The following HSPA9 variants were observed in gnomAD, a reference collection of about 807,000 sequenced individuals.
HSPA9 encodes stress-70 protein, mitochondrial.
A neutral mutation model predicts 81.5 loss-of-function variants in HSPA9; 28 were observed. That is an observed-to-expected ratio of 0.34 (90% CI 0.25 to 0.47). The LOEUF is 0.47. Ranked by LOEUF, HSPA9 falls within the 20% of genes least tolerant of loss-of-function variation. The pLI is 1.00. For synonymous variants in HSPA9, 293 were observed against 290.4 expected (o/e 1.01, Z -0.09); for missense variants, 678 against 838.0 (o/e 0.81, Z 2.36).
In HSPA9 at chr5:138,555,021, C is replaced by A. The variant is rs991156067; in HGVS notation, c.*1016G>T. 2 of 152,128 alleles carry A rather than the reference C, an allele frequency of 1.3e-5. No individual in the cohort carries two copies. Among genetic ancestry groups the A allele is most frequent in the Admixed American group, 6.5e-5 (1 of 15,268 alleles). 9.4% of individuals were successfully genotyped at this position (152,128 alleles called of 1,614,324 possible). A position where few individuals can be genotyped will look rare whatever the true frequency, so the allele number is the denominator to read the frequency against. ...GCTGAAAGCAACCTGAAAATAGCCA[C>A]CTTGGTTTTCATGTTAGAGATCTAA... On this transcript the variant is annotated 3_prime_UTR_variant, in exon 17 of 17. Coordinates refer to ENST00000297185, the MANE Select transcript of HSPA9 (RefSeq NM_004134.7).
intron 3 of HSPA9, among the ~76,000 whole-genome samples, chr5:138,572,808 C>A (rs561835691): frequency 1.3e-3 from 202 of 152,198 alleles, no homozygotes; most frequent in African/African-American, 4.5e-3. Flanking sequence ...GGCCAACCCC[C>A]CAAAAAACTT....
chr5:138,571,160 A>G lies in HSPA9; in HGVS notation c.229-19T>C. Reference sequence around the variant, plus strand: ...CCAGCACCTAAACTCCCAAAATGTGATAGAGAGTAAGTTTGTAGTTATCAC... The same window carrying G: ...CCAGCACCTAAACTCCCAAAATGTGGTAGAGAGTAAGTTTGTAGTTATCAC... On this transcript the variant is annotated intron_variant, in intron 3 of 16. Transcript: ENST00000297185. The G allele has an allele frequency of 6.2e-7, 1 of 1,612,022 alleles. No homozygotes were observed. The highest frequency in any genetic ancestry group is 8.5e-7 in the Non-Finnish European group (1 of 1,179,202).
chr5:138,559,809 C>T, intron 11 of HSPA9, 55 bp downstream of exon 11: 1 of 1,182,294 alleles, frequency 8.5e-7, no homozygotes, highest in Non-Finnish European at 1.3e-6. Context: ...GCTGCAATTA[C>T]ATCCGTCATA....
rs761427145 is a variant in HSPA9, at chr5:138,559,984, G to A, written c.1290C>T (p.Gly430=). The A allele has an allele frequency of 5.0e-6, 8 of 1,614,026 alleles. No homozygotes were observed. The highest frequency in any genetic ancestry group is 3.3e-5 in the South Asian group (3 of 91,066). ...GAAIQGGVLA[G]DVTDVLLLDV... is the part of the protein sequence containing the mutation. ...CAAGGAGCAGCACATCCGTGACATC[G>A]CCGGCCAACACACCTCCCTGAATGG... Residue 430 remains glycine (G), a synonymous_variant, in exon 11 of 17, where the codon GGC becomes GGT. Coordinates refer to ENST00000297185, the MANE Select transcript of HSPA9 (RefSeq NM_004134.7).
At position 138,575,361 on chromosome 5, in the gene HSPA9, G is replaced by C. The variant is rs746639142; in HGVS notation, c.-43C>G. ...GTACGAGGCAGCAAACAAGCGCTCC[G>C]ACGGCAAAGAGCTGCGCGATGCGGT... On this transcript the variant is annotated 5_prime_UTR_variant, in exon 1 of 17. Transcript: ENST00000297185. 2.0e-6 allele frequency: 3 copies of C among 1,509,352 alleles called. No individual in the cohort carries two copies. The Admixed American group carries it at 5.1e-5, about 26-fold the overall frequency. 93.5% of individuals were successfully genotyped at this position (1,509,352 alleles called of 1,614,324 possible).
Position 138,554,729 on chromosome 5 carries a change from A to G in HSPA9, c.*1308T>C, listed in dbSNP as rs1294836003. 6.6e-6 allele frequency among the ~76,000 whole-genome samples: 1 copy of G among 152,360 alleles called. No homozygotes were observed. The highest frequency in any genetic ancestry group is 1.9e-4 in the East Asian group (1 of 5,194). On this transcript the variant is annotated 3_prime_UTR_variant, in exon 17 of 17. Coordinates refer to ENST00000297185, the MANE Select transcript of HSPA9 (RefSeq NM_004134.7). ...GGCATATGACATTCATCCATGAAAC[A>G]TAAGGGAAATGTGCTGGAAGACTTT...
intron 16 of HSPA9, 43 bp downstream of exon 16, chr5:138,556,409 A>G (rs765917663): frequency 5.6e-6 from 9 of 1,606,148 alleles, no homozygotes; most frequent in Non-Finnish European, 7.6e-6. Flanking sequence ...GAACAGTTCC[A>G]TCCAGATCAA....
chr5:138,568,499 C>A (rs1750813884), intron 5 of HSPA9, among the ~76,000 whole-genome samples: 1 of 152,064 alleles, frequency 6.6e-6, no homozygotes, highest in African/African-American at 2.4e-5. Flanking sequence ...AAGAGTGAAA[C>A]TCTGTCTCAA....
At position 138,567,540 on chromosome 5, in the gene HSPA9, T is replaced by A; in HGVS notation, c.631A>T (p.Ile211Leu). 2 of 1,614,092 alleles carry A rather than the reference T, an allele frequency of 1.2e-6. No individual in the cohort carries two copies. The highest frequency in any genetic ancestry group is 1.7e-6 in the Non-Finnish European group (2 of 1,179,936). Reference protein sequence around the residue: ...QRQATKDAGQISGLNVLRVIN... With the variant: ...QRQATKDAGQLSGLNVLRVIN... ...ACCCGAAGCACATTCAGTCCAGATA[T>A]CTGGCCAGCATCTTTAGTGGCCTAG... The change falls in exon 7 of 17, where the codon ATA becomes TTA. Residue 211 changes from isoleucine (I) to leucine (L), a missense_variant. By Grantham distance (5) the Ile-to-Leu change is conservative. Transcript: ENST00000297185.
At chr5:138,559,250 T>TAA (rs1296747992) in intron 11 of HSPA9, among the ~76,000 whole-genome samples, 1 of 151,952 alleles carries the variant, frequency 6.6e-6, no homozygotes, top group Non-Finnish European at 1.5e-5. Flanking sequence ...GGACTACAGG[T>TAA]ACACAGCACC....
chr5:138,561,773 G>A lies in HSPA9; in HGVS notation c.989C>T (p.Pro330Leu). The A allele has an allele frequency of 6.2e-7, 1 of 1,613,708 alleles. No individual in the cohort carries two copies. The highest frequency in any genetic ancestry group is 8.5e-7 in the Non-Finnish European group (1 of 1,179,650). ...SSSVQTDINL[P>L]YLTMDSSGPK... is the part of the protein sequence containing the mutation. ...TCCAGAAGAATCCATTGTAAGATAG[G>A]GCAAATTGATGTCAGTCTGCAAAGG... The change falls in exon 10 of 17, where the codon CCC (proline) becomes CTC (leucine). Residue 330 changes from proline (P) to leucine (L), a missense_variant. This residue lies in a region of HSPA9 where 484 missense variants were observed against 647.5 expected (regional missense o/e 0.75). Coordinates refer to ENST00000297185, the MANE Select transcript of HSPA9 (RefSeq NM_004134.7).
chr5:138,568,324 C>T (rs912431543), intron 5 of HSPA9, among the ~76,000 whole-genome samples: 3 of 151,546 alleles, frequency 2.0e-5, no homozygotes, highest in African/African-American at 7.3e-5. Flanking sequence ...CATGAAGAAA[C>T]CCCCATCTCT....
At chr5:138,569,787 A>T (rs186855402) in intron 4 of HSPA9, among the ~76,000 whole-genome samples, 32 of 152,284 alleles carry the variant, frequency 2.1e-4, no homozygotes. Context: ...ACTCAGCCTC[A>T]GACAGTCTTT....
intron 16 of HSPA9, 30 bp downstream of exon 16, chr5:138,556,422 T>G: frequency 6.2e-7 from 1 of 1,610,416 alleles, no homozygotes; most frequent in Non-Finnish European, 8.5e-7. Flanking sequence ...CAGATCAAGT[T>G]AGAATCAAAA....
chr5:138,558,425 C>T (rs1467460110), intron 12 of HSPA9, 128 bp downstream of exon 12: 7 of 734,012 alleles, frequency 9.5e-6, no homozygotes, highest in African/African-American at 1.7e-5. Context: ...CTAGTTGCAT[C>T]CCTTCTTCTC....
intron 7 of HSPA9, 125 bp from the exon 8 acceptor site, chr5:138,567,288 A>G (rs1341471863): frequency 2.0e-6 from 2 of 1,001,960 alleles, no homozygotes; most frequent in African/African-American, 1.6e-5. Flanking sequence ...TGTACTAGTT[A>G]AATTACCATG....
chr5:138,567,679 G>A lies in HSPA9; in HGVS notation c.579C>T (p.Val193=). Residue 193 remains valine (V), a synonymous_variant, in exon 6 of 17, where the codon GTC becomes GTT. Coordinates refer to ENST00000297185, the MANE Select transcript of HSPA9 (RefSeq NM_004134.7). ...GHTAKNAVIT[V]PAYFNDSQRQ... ...TCTGCGAGTCATTGAAATAAGCTGG[G>A]ACTGTGATCACAGCATTTTTTGCTG... 1 of 1,613,892 alleles carries A rather than the reference G, an allele frequency of 6.2e-7. No homozygotes were observed. Among genetic ancestry groups the A allele is most frequent in the Admixed American group, 1.7e-5 (1 of 60,018 alleles).
intron 5 of HSPA9, among the ~76,000 whole-genome samples, chr5:138,568,089 G>A (rs1173318318): frequency 6.6e-6 from 1 of 152,144 alleles, no homozygotes; most frequent in Non-Finnish European, 1.5e-5. Flanking sequence ...GGAGGCTGAG[G>A]CGGGAGAATT....
intron 3 of HSPA9, among the ~76,000 whole-genome samples, chr5:138,571,998 C>G (rs1335512895): frequency 8.0e-6 from 1 of 125,634 alleles, no homozygotes; most frequent in Admixed American, 1.1e-4. Flanking sequence ...TCACTGTCAC[C>G]TAGGCTGGAG....
Sources: allele counts gnomAD v4.1 joint callset (sites outside exome capture counted in the v4.1 genomes callset), GRCh38; gene constraint gnomAD v4.1.1; regional missense constraint gnomAD v4.1.1; transcripts MANE v1.5; gene names NCBI Gene and HGNC (gene_info 2026-07-23, HGNC 2026-07-21).